Variants in ANO10 observed in about 807,000 individuals in gnomAD.
ANO10 encodes the protein anoctamin 10, also known as anoctamin-10.
In ANO10, 77 loss-of-function variants were observed where a neutral mutation model predicts 74.7. The ratio of observed to expected loss-of-function variants is 1.03; its 90% CI spans 0.86 to 1.25. ANO10 has a LOEUF of 1.25. ANO10 is among the 50% of genes most tolerant of loss of function. The pLI, the probability that ANO10 is intolerant of heterozygous loss-of-function variation, is 0.00. For missense variants in ANO10, 721 were observed against 778.1 expected (o/e 0.93, Z 0.87); for synonymous variants, 279 against 284.9 (o/e 0.98, Z 0.21).
intron 11 of ANO10, among the ~76,000 whole-genome samples, chr3:43,440,148 C>T (rs1052882941): frequency 3.3e-5 from 5 of 151,970 alleles, no homozygotes; most frequent in East Asian, 1.9e-4. Context: ...AAAATAATTA[C>T]AAGACATACT....
Position 43,577,164 on chromosome 3 carries a change from T to G in ANO10, c.690A>C (p.Leu230Phe). ...CTTCCCACACAAACAAGTAGTAAGGTAACCCAATGACAGCCATGGGGATTA... is the reference window on the plus strand; with the variant it reads ...CTTCCCACACAAACAAGTAGTAAGGGAACCCAATGACAGCCATGGGGATTA... ...FALIPMAVIG[L>F]PYYLFVWEDY... The change falls in exon 6 of 13, where the codon TTA (leucine) becomes TTC (phenylalanine). Residue 230 changes from leucine (L) to phenylalanine (F), a missense_variant. Leu to Phe is a conservative substitution (Grantham distance 22). Transcript: ENST00000292246. 6.2e-7 allele frequency: 1 copy of G among 1,614,100 alleles called. No individual in the cohort carries two copies. Among genetic ancestry groups the G allele is most frequent in the East Asian group, 2.2e-5 (1 of 44,870 alleles).
intron 1 of ANO10, among the ~76,000 whole-genome samples, chr3:43,631,123 T>G (rs928686613): frequency 6.6e-6 from 1 of 152,182 alleles, no homozygotes; most frequent in Non-Finnish European, 1.5e-5. Flanking sequence ...TCTCTCCATG[T>G]TTACTGGCAG....
chr3:43,387,255 T>C (rs911342866), intron 12 of ANO10, among the ~76,000 whole-genome samples: 11 of 152,176 alleles, frequency 7.2e-5, no homozygotes, highest in South Asian at 2.1e-4. Context: ...GTAATCATCA[T>C]TGGGACCACC....
chr3:43,546,080 A>G (rs1165076805), intron 11 of ANO10, among the ~76,000 whole-genome samples: 2 of 152,188 alleles, frequency 1.3e-5, no homozygotes, highest in Admixed American at 6.5e-5. Context: ...AAAATTTTCT[A>G]TTGAGAAACC....
At chr3:43,379,669 GGAGA>G (rs1342663498) in intron 12 of ANO10, among the ~76,000 whole-genome samples, 1 of 152,132 alleles carries the variant, frequency 6.6e-6, no homozygotes, top group Admixed American at 6.5e-5. Flanking sequence ...ACGGTGGGAG[GGAGA>G]CTGGCCTTTT....
chr3:43,496,410 G>A (rs899185812), intron 11 of ANO10, among the ~76,000 whole-genome samples: 2 of 152,080 alleles, frequency 1.3e-5, no homozygotes, highest in Non-Finnish European at 2.9e-5. Flanking sequence ...GCACAGATCA[G>A]AAACCAAAAC....
At position 43,366,461 on chromosome 3, in the gene ANO10, C is replaced by G; in HGVS notation, c.*445G>C. 1 of 299,172 alleles carries G rather than the reference C, an allele frequency of 3.3e-6. No individual in the cohort carries two copies. The highest frequency in any genetic ancestry group is 6.5e-6 in the Non-Finnish European group (1 of 152,806). 18.5% of individuals were successfully genotyped at this position (299,172 alleles called of 1,614,324 possible). ...TGGGAAGCACTGCCTTACTGTACCC[C>G]GCTCACTCTCAACTGAGGCTCCTGT... On this transcript the variant is annotated 3_prime_UTR_variant, in exon 13 of 13. Transcript: ENST00000292246.
At chr3:43,541,398 A>G (rs2078947647) in intron 11 of ANO10, among the ~76,000 whole-genome samples, 1 of 152,212 alleles carries the variant, frequency 6.6e-6, no homozygotes, top group Admixed American at 6.5e-5. Flanking sequence ...ATTTGAAGAC[A>G]CAGAGCTAGT....
upstream of ANO10, among the ~76,000 whole-genome samples, chr3:43,625,446 G>C (rs568255481): frequency 7.8e-4 from 119 of 152,196 alleles, no homozygotes; most frequent in Non-Finnish European, 1.5e-3. Context: ...ACTTTTCAGA[G>C]TCCTTGGGTA....
chr3:43,370,980 A>G (rs1010580280), intron 12 of ANO10, among the ~76,000 whole-genome samples: 2 of 152,186 alleles, frequency 1.3e-5, no homozygotes, highest in African/African-American at 4.8e-5. Context: ...ACCATGGTGG[A>G]CACCACGGAC....
chr3:43,555,220 G>A (rs2079680684), intron 10 of ANO10, 58 bp downstream of exon 10: 1 of 1,561,632 alleles, frequency 6.4e-7, no homozygotes, highest in South Asian at 1.1e-5. Context: ...TTTTTTCCCT[G>A]TCATAACACC....
intron 12 of ANO10, among the ~76,000 whole-genome samples, chr3:43,415,707 A>T (rs4682686): frequency 0.06 from 9,081 of 151,890 alleles, 364 homozygotes; most frequent in Admixed American, 0.11. Context: ...ACGTCTGGCT[A>T]ATTTTTGAAT....
chr3:43,683,611 T>C (rs2084232001), intron 1 of ANO10, among the ~76,000 whole-genome samples: 1 of 152,158 alleles, frequency 6.6e-6, no homozygotes. Flanking sequence ...AAAAAGAGCC[T>C]GCATTGCCAA....
chr3:43,369,704 G>C (rs551016007), intron 12 of ANO10, among the ~76,000 whole-genome samples: 18 of 152,164 alleles, frequency 1.2e-4, no homozygotes, highest in Non-Finnish European at 2.4e-4. Flanking sequence ...GGCTCAGCTC[G>C]ACTCCCTGGG....
chr3:43,598,723 A>T, intron 3 of ANO10, 57 bp from the exon 4 acceptor site: 1 of 1,316,490 alleles, frequency 7.6e-7, no homozygotes, highest in Non-Finnish European at 1.1e-6. Flanking sequence ...AAATATTCCA[A>T]TTACCTGAGA....
chr3:43,571,092 C>G (rs1353396047), intron 7 of ANO10, among the ~76,000 whole-genome samples: 2 of 151,646 alleles, frequency 1.3e-5, no homozygotes, highest in African/African-American at 2.4e-5. Flanking sequence ...AAATGCTCAT[C>G]ATCACTGGCC....
At chr3:43,389,763 T>C (rs544208898) in intron 12 of ANO10, among the ~76,000 whole-genome samples, 78 of 152,306 alleles carry the variant, frequency 5.1e-4, no homozygotes, top group Non-Finnish European at 8.8e-4. Context: ...GGATAAAAAC[T>C]ACCATTCTTA....
At chr3:43,661,912 C>T (rs1038761715) in intron 1 of ANO10, among the ~76,000 whole-genome samples, 8 of 152,180 alleles carry the variant, frequency 5.3e-5, no homozygotes, top group African/African-American at 1.9e-4. Context: ...AAAACAAGTT[C>T]TTAGAGACCT....
At chr3:43,638,392 A>T (rs2083635044) in intron 1 of ANO10, among the ~76,000 whole-genome samples, 1 of 152,162 alleles carries the variant, frequency 6.6e-6, no homozygotes, top group African/African-American at 2.4e-5. Flanking sequence ...TTGTATTATA[A>T]TTACCCCTAT....
Sources: allele counts gnomAD v4.1 joint callset (sites outside exome capture counted in the v4.1 genomes callset), GRCh38; gene constraint gnomAD v4.1.1; transcripts MANE v1.5; gene names NCBI Gene and HGNC (gene_info 2026-07-23, HGNC 2026-07-21).